The following CTSC variants were observed in gnomAD, a reference collection of about 807,000 sequenced individuals.
CTSC encodes the protein dipeptidyl peptidase 1.
In CTSC, 37 loss-of-function variants were observed where a neutral mutation model predicts 40.9. The observed-to-expected ratio is 0.91, with a 90% CI of 0.70 to 1.19. The LOEUF (loss-of-function observed/expected upper bound fraction) is 1.19. Ranked by LOEUF, CTSC falls within the 50% of genes most tolerant of loss-of-function variation. CTSC has a pLI of 0.00. For missense variants in CTSC, 594 were observed against 567.3 expected (o/e 1.05, Z -0.48); for synonymous variants, 232 against 207.4 (o/e 1.12, Z -1.02).
intron 2 of CTSC, among the ~76,000 whole-genome samples, chr11:88,318,137 G>A (rs1036423926): frequency 1.3e-5 from 2 of 152,246 alleles, no homozygotes; most frequent in South Asian, 2.1e-4. Context: ...CCTTAAACCT[G>A]TTCTACTGTT....
At position 88,337,422 on chromosome 11, in the gene CTSC, G is replaced by A. The variant is rs1938530002; in HGVS notation, c.172+79C>T. 1.1e-5 allele frequency: 15 copies of A among 1,397,538 alleles called. 1 individual carries two copies. The Middle Eastern group carries it at 2.6e-3, about 238-fold the overall frequency. 86.6% of individuals were successfully genotyped at this position (1,397,538 alleles called of 1,614,324 possible). A position where few individuals can be genotyped will look rare whatever the true frequency, so the allele number is the denominator to read the frequency against. ...CCCACAAGCGTCTGCCTGGGGGGAA[G>A]CGGTAGTTGGCGTGGCGCTGCGTTA... On this transcript the variant is annotated intron_variant, in intron 1 of 6. Coordinates refer to ENST00000227266, the MANE Select transcript of CTSC (RefSeq NM_001814.6).
chr11:88,313,350 G>T (rs1019442910), intron 2 of CTSC, among the ~76,000 whole-genome samples: 3 of 152,166 alleles, frequency 2.0e-5, no homozygotes, highest in African/African-American at 7.2e-5. Flanking sequence ...TTACAGGTGT[G>T]AGCCACAGTG....
intron 2 of CTSC, among the ~76,000 whole-genome samples, chr11:88,314,271 A>G (rs1358518478): frequency 6.6e-6 from 1 of 152,216 alleles, no homozygotes; most frequent in African/African-American, 2.4e-5. Flanking sequence ...TACTTACAAA[A>G]AGAGGTTTGT....
chr11:88,318,479 G>A (rs1201932580), intron 2 of CTSC, among the ~76,000 whole-genome samples: 2 of 152,188 alleles, frequency 1.3e-5, no homozygotes, highest in African/African-American at 4.8e-5. Flanking sequence ...CTTCATCCAT[G>A]CCTTCATAGA....
intron 2 of CTSC, among the ~76,000 whole-genome samples, chr11:88,329,291 G>C (rs991996308): frequency 5.3e-5 from 8 of 151,890 alleles, no homozygotes; most frequent in African/African-American, 1.9e-4. Flanking sequence ...AGACCAGTCT[G>C]GTCAACATGG....
At chr11:88,317,941 T>G (rs1220827806) in intron 2 of CTSC, among the ~76,000 whole-genome samples, 1 of 152,224 alleles carries the variant, frequency 6.6e-6, no homozygotes, top group East Asian at 1.9e-4. Context: ...AATATTACCA[T>G]TAAGTTGCCA....
chr11:88,334,396 C>T (rs1347939082), intron 2 of CTSC, among the ~76,000 whole-genome samples: 1 of 152,178 alleles, frequency 6.6e-6, no homozygotes, highest in Non-Finnish European at 1.5e-5. Context: ...ACTTGGCTAC[C>T]TTTCACTTTA....
intron 4 of CTSC, among the ~76,000 whole-genome samples, chr11:88,302,929 T>C (rs1944384069): frequency 6.6e-6 from 1 of 152,200 alleles, no homozygotes; most frequent in East Asian, 1.9e-4. Flanking sequence ...AAACACACAA[T>C]TTGGACAAAG....
At chr11:88,296,382 G>T (rs1480535184) in intron 5 of CTSC, 118 bp from the exon 6 acceptor site, 2 of 1,261,900 alleles carry the variant, frequency 1.6e-6, no homozygotes, top group Non-Finnish European at 2.3e-6. Context: ...TTGTTTATAA[G>T]AATCAGCACA....
At chr11:88,300,250 A>T (rs372196640) in intron 5 of CTSC, among the ~76,000 whole-genome samples, 1 of 152,216 alleles carries the variant, frequency 6.6e-6, no homozygotes, top group African/African-American at 2.4e-5. Context: ...AGGACAAATG[A>T]GTTTGTCTTA....
chr11:88,327,173 T>A (rs1274998145), intron 2 of CTSC, among the ~76,000 whole-genome samples: 1 of 152,234 alleles, frequency 6.6e-6, no homozygotes, highest in East Asian at 1.9e-4. Flanking sequence ...TTTGATCTGT[T>A]ATTAGTGGCT....
chr11:88,300,774 C>T, intron 4 of CTSC, 129 bp from the exon 5 acceptor site: 2 of 691,168 alleles, frequency 2.9e-6, no homozygotes, highest in South Asian at 3.2e-5. Context: ...CCCAGAGCAC[C>T]TGTTTTATGA....
intron 4 of CTSC, among the ~76,000 whole-genome samples, chr11:88,304,598 G>T (rs1344638746): frequency 6.6e-6 from 1 of 152,168 alleles, no homozygotes; most frequent in Non-Finnish European, 1.5e-5. Context: ...GACCTACTGG[G>T]CTGCATTCCC....
At chr11:88,309,374 A>C in intron 3 of CTSC, 56 bp from the exon 4 acceptor site, 1 of 1,455,070 alleles carries the variant, frequency 6.9e-7, no homozygotes. Flanking sequence ...TAAATAGAGT[A>C]ATTAAAACAG....
At chr11:88,300,096 T>G (rs1211637064) in intron 5 of CTSC, among the ~76,000 whole-genome samples, 1 of 152,316 alleles carries the variant, frequency 6.6e-6, no homozygotes, top group East Asian at 1.9e-4. Flanking sequence ...ATTTAAGGAT[T>G]TATTTTACGG....
intron 2 of CTSC, among the ~76,000 whole-genome samples, chr11:88,314,347 A>C (rs564942819): frequency 6.6e-6 from 1 of 152,326 alleles, no homozygotes; most frequent in Non-Finnish European, 1.5e-5. Flanking sequence ...AAATTACCTT[A>C]TTGCATCTGA....
chr11:88,320,859 T>G (rs1028171848), intron 2 of CTSC: 173 of 819,108 alleles, frequency 2.1e-4, no homozygotes, highest in Non-Finnish European at 2.5e-4. Flanking sequence ...GAAGGCTTAT[T>G]ATTGGTCATA....
At chr11:88,308,472 A>ATTATT (rs59621344) in intron 4 of CTSC, among the ~76,000 whole-genome samples, 6,747 of 150,410 alleles carry the variant, frequency 0.045, 193 homozygotes, top group East Asian at 0.11. Flanking sequence ...TATTTTATTT[A>ATTATT]TTATTTTATT....
chr11:88,319,465 C>G (rs117486408), intron 2 of CTSC, among the ~76,000 whole-genome samples: 4,295 of 152,126 alleles, frequency 0.028, 112 homozygotes, highest in Non-Finnish European at 0.041. Context: ...GTGTCAAAAT[C>G]TACTGAAATT....
Sources: allele counts gnomAD v4.1 joint callset (sites outside exome capture counted in the v4.1 genomes callset), GRCh38; gene constraint gnomAD v4.1.1; transcripts MANE v1.5; gene names NCBI Gene and HGNC (gene_info 2026-07-23, HGNC 2026-07-21).